The following C14orf132 variants were observed in gnomAD, a reference collection of about 807,000 sequenced individuals.
C14orf132 encodes uncharacterized protein C14orf132.
Under a neutral mutation model 5.8 loss-of-function variants are expected in C14orf132, and 6 were observed. That is an observed-to-expected ratio of 1.03 (90% CI 0.57 to 2.04). The LOEUF is 2.04. C14orf132 is among the 30% of genes most tolerant of loss of function. The pLI, the probability that C14orf132 is intolerant of heterozygous loss-of-function variation, is 0.00. For missense variants in C14orf132, 125 were observed against 115.8 expected, an observed-to-expected ratio of 1.08 and a Z score of -0.37; for synonymous variants, 51 against 49.8, an observed-to-expected ratio of 1.02 and a Z score of -0.10.
chr14:96,045,221 C>A (rs1886799882), intron 1 of C14orf132, among the ~76,000 whole-genome samples: 1 of 152,140 alleles, frequency 6.6e-6, no homozygotes, highest in African/African-American at 2.4e-5. Flanking sequence ...TGATAGATAA[C>A]AAGATGGGGG....
rs1886619918 is a variant in C14orf132 at position 96,039,406 on chromosome 14, T to C, written c.-95T>C. 1.0e-5 allele frequency: 13 copies of C among 1,290,060 alleles called. No individual in the cohort carries two copies. The highest frequency in any genetic ancestry group is 1.3e-5 in the Non-Finnish European group (13 of 985,900). 79.9% of individuals were successfully genotyped at this position (1,290,060 alleles called of 1,614,324 possible). A position where few individuals can be genotyped will look rare whatever the true frequency, so the allele number is the denominator to read the frequency against. ...AGTGCGCCGTGCGGTCTCCGGACGC[T>C]CGCTGCTCAGCCCGATCCCCGCCAA... On this transcript the variant is annotated 5_prime_UTR_variant, in exon 1 of 2. Transcript: ENST00000555004. This position sits in a 1 kb window ranked among gnomAD's most constrained non-coding sequence, Gnocchi z 5.3.
chr14:96,057,188 G>A (rs556060254), intron 1 of C14orf132, among the ~76,000 whole-genome samples: 39 of 151,930 alleles, frequency 2.6e-4, no homozygotes, highest in Non-Finnish European at 5.0e-4. Flanking sequence ...AGACCGTGAG[G>A]GCTTAACCCC....
At chr14:96,072,453 G>C (rs936032815) in intron 1 of C14orf132, among the ~76,000 whole-genome samples, 25 of 152,200 alleles carry the variant, frequency 1.6e-4, no homozygotes, top group Admixed American at 1.4e-3. Flanking sequence ...ACAGTGCCTG[G>C]CTCAGAGCAA....
intron 1 of C14orf132, among the ~76,000 whole-genome samples, chr14:96,054,190 C>T (rs867090783): frequency 6.6e-6 from 1 of 152,132 alleles, no homozygotes; most frequent in East Asian, 1.9e-4. Flanking sequence ...GTGAGTCACC[C>T]GTTGTGTCTG....
At chr14:96,044,250 T>C (rs1886775133) in intron 1 of C14orf132, among the ~76,000 whole-genome samples, 1 of 152,264 alleles carries the variant, frequency 6.6e-6, no homozygotes, top group African/African-American at 2.4e-5. Flanking sequence ...CATGGTTCAC[T>C]GCAGCCTTAA....
intron 1 of C14orf132, among the ~76,000 whole-genome samples, chr14:96,049,653 T>TATACGTAG (rs371381526): frequency 2.4e-5 from 2 of 82,278 alleles, no homozygotes; most frequent in Non-Finnish European, 4.9e-5. Context: ...TATATATATA[T>TATACGTAG]AGAGAGAGAG....
intron 1 of C14orf132, among the ~76,000 whole-genome samples, chr14:96,065,020 T>C (rs938634672): frequency 6.6e-6 from 1 of 152,162 alleles, no homozygotes; most frequent in African/African-American, 2.4e-5. Context: ...TAACCCAGTG[T>C]GCTGTCTTCC....
rs1888303359 is a variant in C14orf132, at chr14:96,089,173, G to A, written c.*2438G>A. On this transcript the variant is annotated 3_prime_UTR_variant, in exon 2 of 2. Coordinates refer to ENST00000555004, the MANE Select transcript of C14orf132 (RefSeq NM_001252507.3). ...AGTGTCTGATTAAGGAGCAAAGGCT[G>A]GATTTCTGGCCACAGCGAGCTGCAC... is the stretch of plus-strand genomic sequence containing the variant. 6.6e-6 allele frequency: 1 copy of A among 152,228 alleles called. No individual in the cohort carries two copies. The highest frequency in any genetic ancestry group is 2.4e-5 in the African/African-American group (1 of 41,450). 9.4% of individuals were successfully genotyped at this position (152,228 alleles called of 1,614,324 possible).
At chr14:96,056,943 T>C (rs8014647) in intron 1 of C14orf132, among the ~76,000 whole-genome samples, 9,853 of 152,158 alleles carry the variant, frequency 0.065, 386 homozygotes, top group East Asian at 0.17. Context: ...CCTCTCAAGC[T>C]CCAGGGTTGT....
intron 1 of C14orf132, among the ~76,000 whole-genome samples, chr14:96,082,513 AT>A (rs1345679861): frequency 5.9e-5 from 9 of 152,146 alleles, no homozygotes; most frequent in African/African-American, 1.9e-4. Flanking sequence ...AAGAAAAAAA[AT>A]ATCAAAACAA....
At chr14:96,068,494 C>T (rs1348036002) in intron 1 of C14orf132, among the ~76,000 whole-genome samples, 1 of 152,158 alleles carries the variant, frequency 6.6e-6, no homozygotes, top group Non-Finnish European at 1.5e-5. Flanking sequence ...AGGCAGACCC[C>T]ACCCACTGAT....
intron 1 of C14orf132, among the ~76,000 whole-genome samples, chr14:96,076,858 A>C (rs549131758): frequency 6.6e-6 from 1 of 152,336 alleles, no homozygotes; most frequent in African/African-American, 2.4e-5. Flanking sequence ...ACTTTTACTC[A>C]GTTCAGAATA....
At chr14:96,064,450 GTGTA>G (rs1566829266) in intron 1 of C14orf132, among the ~76,000 whole-genome samples, 33 of 149,780 alleles carry the variant, frequency 2.2e-4, no homozygotes, top group African/African-American at 7.9e-4. Flanking sequence ...GTATATATAT[GTGTA>G]TATGTATGTA....
chr14:96,058,059 G>A (rs929207354), intron 1 of C14orf132, among the ~76,000 whole-genome samples: 1 of 152,156 alleles, frequency 6.6e-6, no homozygotes, highest in African/African-American at 2.4e-5. Context: ...CTCTGAAGTC[G>A]AGATTACAAT....
rs749362282 is a variant in C14orf132, at chr14:96,091,481, G to A, written c.*4746G>A. 4.7e-5 allele frequency: 8 copies of A among 171,924 alleles called. No homozygotes were observed. The highest frequency in any genetic ancestry group is 1.5e-4 in the South Asian group (1 of 6,472). The allele number at this position is 171,924 out of a possible 1,614,324, so 10.6% of individuals were successfully genotyped here. A position where few individuals can be genotyped will look rare whatever the true frequency, so the allele number is the denominator to read the frequency against. ...GGCCCAGGGGTCCGTGGTCCAGCAC[G>A]TTGTGCGTTCAGTGGGAAGCAAAGG... On this transcript the variant is annotated 3_prime_UTR_variant, in exon 2 of 2. Coordinates refer to ENST00000555004, the MANE Select transcript of C14orf132 (RefSeq NM_001252507.3).
rs1677785188 is a variant in C14orf132 at position 96,092,808 on chromosome 14, A to C, written c.*6073A>C. 1 of 152,166 alleles carries C rather than the reference A, an allele frequency of 6.6e-6. No individual in the cohort carries two copies. Among genetic ancestry groups the C allele is most frequent in the African/African-American group, 2.4e-5 (1 of 41,448 alleles). 9.4% of individuals were successfully genotyped at this position (152,166 alleles called of 1,614,324 possible). A position where few individuals can be genotyped will look rare whatever the true frequency, so the allele number is the denominator to read the frequency against. Reference sequence around the variant, plus strand: ...GGCTTTCATGAGGCCAGTCGTTCTCAAGGAAGGGCTGGGGGCCATCAGCAA... The same window carrying C: ...GGCTTTCATGAGGCCAGTCGTTCTCCAGGAAGGGCTGGGGGCCATCAGCAA... On this transcript the variant is annotated 3_prime_UTR_variant, in exon 2 of 2. Transcript: ENST00000555004.
chr14:96,088,749 C>T lies in C14orf132; in HGVS notation c.*2014C>T, dbSNP rs1039687477. Reference sequence around the variant, plus strand: ...CTGTAAAGATACAGGAGGCAGCTCCCTGGCCTCCAAATGGCCCATGGAGAT... The same window carrying T: ...CTGTAAAGATACAGGAGGCAGCTCCTTGGCCTCCAAATGGCCCATGGAGAT... On this transcript the variant is annotated 3_prime_UTR_variant, in exon 2 of 2. Transcript: ENST00000555004. 2 of 152,288 alleles carry T rather than the reference C, an allele frequency of 1.3e-5. No individual in the cohort carries two copies. The highest frequency in any genetic ancestry group is 4.8e-5 in the African/African-American group (2 of 41,466). The allele number at this position is 152,288 out of a possible 1,614,324, so 9.4% of individuals were successfully genotyped here. A position where few individuals can be genotyped will look rare whatever the true frequency, so the allele number is the denominator to read the frequency against.
At chr14:96,082,697 C>G (rs1888062544) in intron 1 of C14orf132, among the ~76,000 whole-genome samples, 1 of 152,140 alleles carries the variant, frequency 6.6e-6, no homozygotes, top group Non-Finnish European at 1.5e-5. Context: ...ACCAGAAATG[C>G]CGTGTTCCTG....
rs542601152 is a variant in C14orf132 at position 96,087,834 on chromosome 14, T to A, written c.*1099T>A. 4 of 152,300 alleles carry A rather than the reference T, an allele frequency of 2.6e-5. No individual in the cohort carries two copies. In the East Asian group the frequency reaches 7.7e-4, roughly 29 times the overall value. The allele number at this position is 152,300 out of a possible 1,614,324, so 9.4% of individuals were successfully genotyped here. On this transcript the variant is annotated 3_prime_UTR_variant, in exon 2 of 2. Transcript: ENST00000555004. ...TTCTGCCCAAGCCACTTCCTTAAAT[T>A]CTGAAATATCAGCATCTGGGGTCCT...
Sources: gnomAD v4.1 joint callset for allele counts (sites outside exome capture counted in the v4.1 genomes callset) on GRCh38, gnomAD v4.1.1 for gene constraint, Gnocchi (gnomAD v3.1) non-coding constraint, MANE v1.5 for transcripts, NCBI Gene and HGNC (gene_info 2026-07-23, HGNC 2026-07-21) for gene names.